Variants in FRY observed in about 807,000 individuals in gnomAD.
FRY encodes the protein FRY microtubule binding protein, also known as protein furry homolog.
In FRY, 128 loss-of-function variants were observed where a neutral mutation model predicts 348.4. The observed-to-expected ratio is 0.37, with a 90% CI of 0.32 to 0.43. The LOEUF is 0.43. Ranked by LOEUF, FRY falls within the 20% of genes least tolerant of loss-of-function variation. FRY has a pLI of 1.00. For missense variants in FRY, 2,736 were observed against 3,695.2 expected (o/e 0.74, Z 6.73); for synonymous variants, 1,370 against 1,374.7 (o/e 1.00, Z 0.08).
chr13:32,142,472 G>A (rs1309340529), intron 11 of FRY, among the ~76,000 whole-genome samples: 1 of 152,186 alleles, frequency 6.6e-6, no homozygotes, highest in Non-Finnish European at 1.5e-5. Context: ...ACTTATTAGA[G>A]CCTAAGTCAA....
chr13:32,294,868 C>T (rs1889557076), intron 60 of FRY, among the ~76,000 whole-genome samples: 2 of 152,176 alleles, frequency 1.3e-5, no homozygotes, highest in Admixed American at 6.5e-5. Context: ...TTTGCCCCTA[C>T]ATTCTGATAT....
intron 22 of FRY, 117 bp from the exon 23 acceptor site, chr13:32,179,558 C>T (rs1882578795): frequency 6.0e-6 from 4 of 663,300 alleles, no homozygotes; most frequent in Admixed American, 2.2e-5. Flanking sequence ...GAAATGATGG[C>T]AGTGCCTTGG....
intron 47 of FRY, among the ~76,000 whole-genome samples, chr13:32,246,353 CTGAT>C (rs1566165138): frequency 6.6e-6 from 1 of 152,186 alleles, no homozygotes; most frequent in Non-Finnish European, 1.5e-5. Context: ...GGCACACAGT[CTGAT>C]TGGAGGTTGT....
chr13:32,041,641 T>C (rs1308498657), intron 1 of FRY, among the ~76,000 whole-genome samples: 1 of 152,196 alleles, frequency 6.6e-6, no homozygotes, highest in African/African-American at 2.4e-5. Flanking sequence ...TGTTTCACTT[T>C]CCTCATGATT....
At position 32,261,656 on chromosome 13, in the gene FRY, G is replaced by A. The variant is rs751984508; in HGVS notation, c.7457G>A (p.Arg2486His). ...AATTTCAACTGGGGAGTGCGCAGAC[G>A]TTCTCTGGACAGCCTGGATAAGTGT... ...MDNFNWGVRR[R>H]SLDSLDKCDM... Residue 2486 changes from arginine to histidine, a missense_variant, in exon 52 of 61, where the codon CGT (arginine) becomes CAT (histidine). Physicochemically the swap from Arg to His is conservative, Grantham distance 29. This residue lies in a region of FRY where 789 missense variants were observed against 996.2 expected (regional missense o/e 0.79). Coordinates refer to ENST00000542859, the MANE Select transcript of FRY (RefSeq NM_023037.3). The A allele has an allele frequency of 2.4e-5, 38 of 1,614,040 alleles. No homozygotes were observed. Among genetic ancestry groups the A allele is most frequent in the African/African-American group, 5.3e-5 (4 of 74,910 alleles).
intron 2 of FRY, chr13:32,085,735 G>T (rs972468668): frequency 1.1e-5 from 4 of 378,718 alleles, no homozygotes; most frequent in Non-Finnish European, 2.1e-5. Context: ...TCAGCCTGGT[G>T]CTTCCTCTCT....
intron 1 of FRY, chr13:32,061,190 G>A: frequency 1.9e-6 from 1 of 532,600 alleles, no homozygotes; most frequent in Non-Finnish European, 3.9e-6. Context: ...GTTAATATGT[G>A]TGGAGTGGCT....
intron 2 of FRY, among the ~76,000 whole-genome samples, chr13:32,095,869 C>G (rs947247710): frequency 2.0e-5 from 3 of 152,100 alleles, no homozygotes; most frequent in African/African-American, 7.2e-5. Context: ...TCAGATGGCT[C>G]TCTTCTGAGC....
rs565086440 is a variant in FRY at position 32,297,643 on chromosome 13, T to A, written c.*2183T>A. 2 of 152,318 alleles carry A rather than the reference T, an allele frequency of 1.3e-5. No individual in the cohort carries two copies. The highest frequency in any genetic ancestry group is 4.8e-5 in the African/African-American group (2 of 41,578). 9.4% of individuals were successfully genotyped at this position (152,318 alleles called of 1,614,324 possible). On this transcript the variant is annotated 3_prime_UTR_variant, in exon 61 of 61. Coordinates refer to ENST00000542859, the MANE Select transcript of FRY (RefSeq NM_023037.3). ...GTTTCTTCTACTTTTCCTCTATCTC[T>A]TCACCTCCTCTACTTTAAGTGGAGA...
chr13:32,201,213 C>G (rs1884006548), intron 29 of FRY, among the ~76,000 whole-genome samples: 1 of 152,200 alleles, frequency 6.6e-6, no homozygotes, highest in South Asian at 2.1e-4. Flanking sequence ...TTTCAAAATG[C>G]TGTCCTCTCT....
Position 32,121,592 on chromosome 13 carries a change from G to A in FRY, c.465-2694G>A, listed in dbSNP as rs75415690. 8.8e-3 allele frequency among the ~76,000 whole-genome samples: 1,345 copies of A among 152,174 alleles called. 22 individuals are homozygous for A. The highest frequency in any genetic ancestry group is 0.031 in the African/African-American group (1,276 of 41,508). ...ATTTGTATGTCTTCTTCTGAGAATT[G>A]TCTACTCATGACCTTAGCCCACTTT... On this transcript the variant is annotated intron_variant, in intron 4 of 60. Coordinates refer to ENST00000542859, the MANE Select transcript of FRY (RefSeq NM_023037.3).
rs775209295 is a variant in FRY, at chr13:32,031,861, T to C, written c.66T>C (p.Ser22=). 2.1e-5 allele frequency: 31 copies of C among 1,477,486 alleles called. No homozygotes were observed. Among genetic ancestry groups the C allele is most frequent in the African/African-American group, 2.8e-5 (2 of 72,348 alleles). The allele number at this position is 1,477,486 out of a possible 1,614,324, so 91.5% of individuals were successfully genotyped here. The change falls in exon 1 of 61, where the codon AGT becomes AGC. Residue 22 remains serine, a synonymous_variant. Coordinates refer to ENST00000542859, the MANE Select transcript of FRY (RefSeq NM_023037.3). ...ISIKYLLKSW[S]NTSPVGNGYI... The stretch of plus-strand genomic sequence containing the variant: ...TCAAATATTTACTGAAATCCTGGAG[T>C]AATAGTGAGTAATAGAAAATAACCT...
At chr13:32,158,959 A>G (rs1315864427) in intron 16 of FRY, among the ~76,000 whole-genome samples, 1 of 150,208 alleles carries the variant, frequency 6.7e-6, no homozygotes, top group Non-Finnish European at 1.5e-5. Context: ...CTCAAAAAAA[A>G]AAAAAAAAAA....
At chr13:32,053,831 CAA>C (rs1038297280) in intron 1 of FRY, among the ~76,000 whole-genome samples, 3 of 152,112 alleles carry the variant, frequency 2.0e-5, no homozygotes, top group African/African-American at 7.2e-5. Flanking sequence ...GGATATTAGG[CAA>C]AGAGGCCTTA....
At chr13:32,281,468 G>GGT (rs1159188472) in intron 58 of FRY, among the ~76,000 whole-genome samples, 1 of 152,184 alleles carries the variant, frequency 6.6e-6, no homozygotes, top group Non-Finnish European at 1.5e-5. Context: ...GAATAAGGAG[G>GGT]GAAGATGCAT....
intron 1 of FRY, among the ~76,000 whole-genome samples, chr13:32,073,399 C>T (rs943566061): frequency 1.2e-4 from 19 of 152,142 alleles, no homozygotes; most frequent in African/African-American, 4.1e-4. Context: ...TTCCTTCCTG[C>T]GGCAGCCCCA....
At chr13:32,232,329 C>G (rs1211999564) in intron 41 of FRY, among the ~76,000 whole-genome samples, 1 of 152,100 alleles carries the variant, frequency 6.6e-6, no homozygotes, top group Non-Finnish European at 1.5e-5. Context: ...TCTTTTTGCA[C>G]CTTGACCAAT....
Position 32,224,385 on chromosome 13 carries a change from G to A in FRY, c.4916G>A (p.Arg1639Lys). The change falls in exon 37 of 61, where the codon AGG becomes AAG. Residue 1639 changes from arginine (R) to lysine (K), a missense_variant and splice_region_variant. Arg to Lys is a conservative substitution (Grantham distance 26, BLOSUM62 2). Transcript: ENST00000542859. ...ETITPRGPLH[R>K]CNIAVIFMTE... ...ATCACTCCCCGGGGGCCACTCCACA[G>A]GTGAGCAGCATGTGTGGGGAGAAGG... 6.2e-7 allele frequency: 1 copy of A among 1,613,638 alleles called. No individual in the cohort carries two copies. The highest frequency in any genetic ancestry group is 8.5e-7 in the Non-Finnish European group (1 of 1,179,700).
At chr13:32,273,241 T>G (rs943107609) in intron 55 of FRY, among the ~76,000 whole-genome samples, 3 of 149,128 alleles carry the variant, frequency 2.0e-5, no homozygotes, top group Non-Finnish European at 4.5e-5. Flanking sequence ...TTTTTTTTTT[T>G]GAGACGGAGT....
Sources: allele counts gnomAD v4.1 joint callset (sites outside exome capture counted in the v4.1 genomes callset), GRCh38; gene constraint gnomAD v4.1.1; regional missense constraint gnomAD v4.1.1; transcripts MANE v1.5; gene names NCBI Gene and HGNC (gene_info 2026-07-23, HGNC 2026-07-21).